Variants in TIGIT observed in about 807,000 individuals in gnomAD.
TIGIT encodes the protein T cell immunoreceptor with Ig and ITIM domains.
Under a neutral mutation model 19.6 loss-of-function variants are expected in TIGIT, and 11 were observed. The ratio of observed to expected loss-of-function variants is 0.56; its 90% CI spans 0.35 to 0.93. TIGIT has a LOEUF of 0.93. TIGIT is among the 40% of genes least tolerant of loss of function. TIGIT has a pLI of 0.01. For synonymous variants in TIGIT, 130 were observed against 125.5 expected (o/e 1.04, Z -0.24); for missense variants, 295 against 303.9 (o/e 0.97, Z 0.22).
intron 2 of TIGIT, 63 bp from the exon 3 acceptor site, chr3:114,299,524 GCTCAGGCTGC>G: frequency 8.3e-7 from 1 of 1,198,466 alleles, no homozygotes. Context: ...CTGCCGTGAA[GCTCAGGCTGC>G]CCTGGGGAAA....
At chr3:114,300,273 G>A (rs977248936) in intron 3 of TIGIT, among the ~76,000 whole-genome samples, 1 of 151,974 alleles carries the variant, frequency 6.6e-6, no homozygotes, top group East Asian at 1.9e-4. Flanking sequence ...CCACCCACTC[G>A]GGAGACTGTG....
chr3:114,303,590 T>C (rs1439663574), intron 3 of TIGIT, among the ~76,000 whole-genome samples: 2 of 9,158 alleles, frequency 2.2e-4, no homozygotes, highest in Non-Finnish European at 4.8e-4. Context: ...TATATATACA[T>C]ATATATGTAT....
rs978431380 is a variant in TIGIT at position 114,308,016 on chromosome 3, C to G, written c.620C>G (p.Pro207Arg). The change falls in exon 4 of 4, where the codon CCT becomes CGT. Residue 207 changes from proline to arginine, a missense_variant. By Grantham distance (103) the Pro-to-Arg change is moderately radical (BLOSUM62 -2). Coordinates refer to ENST00000383671, the MANE Select transcript of TIGIT (RefSeq NM_173799.4). ...PGSCVQAEAA[P>R]AGLCGEQRGE... ...AGCTGTGTCCAGGCAGAAGCTGCAC[C>G]TGCTGGGCTCTGTGGAGAGCAGCGG... 6.2e-7 allele frequency: 1 copy of G among 1,614,068 alleles called. No individual in the cohort carries two copies. Among genetic ancestry groups the G allele is most frequent in the African/African-American group, 1.3e-5 (1 of 74,936 alleles).
intron 3 of TIGIT, among the ~76,000 whole-genome samples, chr3:114,303,042 C>T (rs2078502306): frequency 6.6e-6 from 1 of 151,990 alleles, no homozygotes; most frequent in Non-Finnish European, 1.5e-5. Context: ...TTCCAACAAA[C>T]CTTTATTTAT....
At chr3:114,305,909 A>ATAGATAGATGG (rs2078532079) in intron 3 of TIGIT, among the ~76,000 whole-genome samples, 2 of 131,420 alleles carry the variant, frequency 1.5e-5, no homozygotes, top group African/African-American at 5.3e-5. Flanking sequence ...TAGATAGATG[A>ATAGATAGATGG]GGAGGGATTT....
At chr3:114,296,399 G>T (rs1292843136) in intron 2 of TIGIT, among the ~76,000 whole-genome samples, 3 of 152,162 alleles carry the variant, frequency 2.0e-5, no homozygotes, top group African/African-American at 7.2e-5. Context: ...GGTTAGAAAA[G>T]GATTCTTATC....
intron 3 of TIGIT, chr3:114,307,465 G>C (rs1047364456): frequency 2.2e-5 from 4 of 183,490 alleles, no homozygotes; most frequent in Non-Finnish European, 4.6e-5. Context: ...GATGTGCAAA[G>C]AGAAAAGGGG....
chr3:114,297,365 G>C (rs1262568585), intron 2 of TIGIT, among the ~76,000 whole-genome samples: 1 of 152,190 alleles, frequency 6.6e-6, no homozygotes. Flanking sequence ...AACAGTGCTA[G>C]ATAGGTAATA....
chr3:114,302,270 C>T (rs1447747904), intron 3 of TIGIT, among the ~76,000 whole-genome samples: 1 of 152,198 alleles, frequency 6.6e-6, no homozygotes, highest in African/African-American at 2.4e-5. Context: ...ACATTTAGTA[C>T]AGTCTTCATA....
chr3:114,300,186 T>C (rs1426749373), intron 3 of TIGIT, among the ~76,000 whole-genome samples: 1 of 152,200 alleles, frequency 6.6e-6, no homozygotes, highest in Non-Finnish European at 1.5e-5. Context: ...AAGCCACAGA[T>C]ATGGCTGGTG....
chr3:114,296,017 G>A (rs1576135861), intron 2 of TIGIT, 143 bp downstream of exon 2: 1 of 676,572 alleles, frequency 1.5e-6, no homozygotes, highest in East Asian at 2.8e-5. Context: ...CTGATGCCGA[G>A]GCCTCACCCA....
intron 2 of TIGIT, among the ~76,000 whole-genome samples, chr3:114,299,277 T>A (rs184765716): frequency 6.6e-6 from 1 of 152,370 alleles, no homozygotes; most frequent in East Asian, 1.9e-4. Flanking sequence ...CTTTCTGAGT[T>A]TTTTTCTGGA....
At chr3:114,297,228 A>G (rs1477000326) in intron 2 of TIGIT, among the ~76,000 whole-genome samples, 1 of 152,158 alleles carries the variant, frequency 6.6e-6, no homozygotes, top group Non-Finnish European at 1.5e-5. Context: ...CTGGAATTGC[A>G]CTGTCTGGGG....
intron 1 of TIGIT, 67 bp downstream of exon 1, chr3:114,294,189 G>A (rs2078439073): frequency 7.4e-7 from 1 of 1,347,682 alleles, no homozygotes; most frequent in Non-Finnish European, 1.0e-6. Flanking sequence ...GGAGACTTGG[G>A]TGCTTGTGTA....
At chr3:114,307,063 T>C (rs753099781) in intron 3 of TIGIT, among the ~76,000 whole-genome samples, 16 of 152,176 alleles carry the variant, frequency 1.1e-4, no homozygotes, top group Non-Finnish European at 1.8e-4. Context: ...CAGAACTGCC[T>C]AGGATTAAAA....
intron 3 of TIGIT, among the ~76,000 whole-genome samples, chr3:114,302,133 C>T (rs2078496416): frequency 6.6e-6 from 1 of 152,124 alleles, no homozygotes; most frequent in Non-Finnish European, 1.5e-5. Flanking sequence ...AGTCCAAGGC[C>T]ACCCTGCAGA....
rs1191364653 is a variant in TIGIT, at chr3:114,309,806, A to G, written c.*1675A>G. 2 of 152,188 alleles carry G rather than the reference A, an allele frequency of 1.3e-5. No homozygotes were observed. The highest frequency in any genetic ancestry group is 2.9e-5 in the Non-Finnish European group (2 of 68,038). The allele number at this position is 152,188 out of a possible 1,614,324, so 9.4% of individuals were successfully genotyped here. ...ATGACGAAAAGGGAGTAGTGTTTTG[A>G]TTTGGAGGAGGTGTATATTCGGCAG... is the stretch of plus-strand genomic sequence containing the variant. On this transcript the variant is annotated 3_prime_UTR_variant, in exon 4 of 4. Coordinates refer to ENST00000383671, the MANE Select transcript of TIGIT (RefSeq NM_173799.4).
Position 114,309,972 on chromosome 3 carries a change from T to C in TIGIT, c.*1841T>C, listed in dbSNP as rs2078561173. ...TCAGGTTACTGAAATGGGATTCAATTTGAAAAAAATTTTTTTAAATAGAAC... is the reference window on the plus strand; with the variant it reads ...TCAGGTTACTGAAATGGGATTCAATCTGAAAAAAATTTTTTTAAATAGAAC... On this transcript the variant is annotated 3_prime_UTR_variant, in exon 4 of 4. Coordinates refer to ENST00000383671, the MANE Select transcript of TIGIT (RefSeq NM_173799.4). 6.6e-6 allele frequency: 1 copy of C among 152,172 alleles called. No homozygotes were observed. Among genetic ancestry groups the C allele is most frequent in the Non-Finnish European group, 1.5e-5 (1 of 68,028 alleles). 9.4% of individuals were successfully genotyped at this position (152,172 alleles called of 1,614,324 possible). A position where few individuals can be genotyped will look rare whatever the true frequency, so the allele number is the denominator to read the frequency against.
rs1193996002 is a variant in TIGIT at position 114,295,586 on chromosome 3, G to T, written c.103G>T (p.Ala35Ser). 2.5e-6 allele frequency: 4 copies of T among 1,614,178 alleles called. No individual in the cohort carries two copies. In the South Asian group the frequency reaches 4.4e-5, roughly 18 times the overall value. The change falls in exon 2 of 4, where the codon GCA (alanine) becomes TCA (serine). Residue 35 changes from alanine to serine, a missense_variant. Physicochemically the swap from Ala to Ser is moderately conservative, Grantham distance 99 (BLOSUM62 1). Coordinates refer to ENST00000383671, the MANE Select transcript of TIGIT (RefSeq NM_173799.4). ...GTIETTGNISAEKGGSIILQC... is the reference protein window; with the variant it reads ...GTIETTGNISSEKGGSIILQC... ...AATAGAAACAACGGGGAACATTTCT[G>T]CAGAGAAAGGTGGCTCTATCATCTT...
Sources: allele counts gnomAD v4.1 joint callset (sites outside exome capture counted in the v4.1 genomes callset), GRCh38; gene constraint gnomAD v4.1.1; transcripts MANE v1.5; gene names NCBI Gene and HGNC (gene_info 2026-07-23, HGNC 2026-07-21).